Variants in CNDP1 observed in about 807,000 individuals in gnomAD.
CNDP1 encodes the protein carnosine dipeptidase 1.
A neutral mutation model predicts 58.1 loss-of-function variants in CNDP1; 44 were observed. That is an observed-to-expected ratio of 0.76 (90% CI 0.60 to 0.97). The LOEUF (loss-of-function observed/expected upper bound fraction) is 0.97. Among genes scored for constraint, CNDP1 ranks in the 50% least tolerant of loss-of-function variants. CNDP1 has a pLI of 0.00. For missense variants in CNDP1, 616 were observed against 655.1 expected (o/e 0.94, Z 0.65); for synonymous variants, 254 against 252.6 (o/e 1.01, Z -0.05).
intron 2 of CNDP1, among the ~76,000 whole-genome samples, chr18:74,557,646 G>A (rs1268510407): frequency 1.3e-5 from 2 of 151,890 alleles, no homozygotes; most frequent in East Asian, 3.9e-4. Context: ...TGTGCACACT[G>A]ATGTGTTGTT....
intron 7 of CNDP1, among the ~76,000 whole-genome samples, chr18:74,575,135 AGAAAG>A (rs1167082436): frequency 6.6e-6 from 1 of 152,062 alleles, no homozygotes; most frequent in Admixed American, 6.5e-5. Context: ...GAAAGAAAAA[AGAAAG>A]AAGAAAGAAA....
intron 7 of CNDP1, among the ~76,000 whole-genome samples, chr18:74,572,783 C>G (rs371233895): frequency 9.6e-6 from 1 of 104,094 alleles, no homozygotes; most frequent in Non-Finnish European, 1.9e-5. Context: ...AGAACAAGAC[C>G]CTGTATCAAA....
rs1230090195 is a variant in CNDP1, at chr18:74,586,465, C to T, written c.*1903C>T. 6.6e-6 allele frequency: 1 copy of T among 152,198 alleles called. No homozygotes were observed. Among genetic ancestry groups the T allele is most frequent in the African/African-American group, 2.4e-5 (1 of 41,446 alleles). 9.4% of individuals were successfully genotyped at this position (152,198 alleles called of 1,614,324 possible). ...TAGAGTCTTCATGTTAGTCCATTAA[C>T]ATAAGTTTATTATAAAATACACTGT... On this transcript the variant is annotated 3_prime_UTR_variant, in exon 12 of 12. Transcript: ENST00000358821.
At chr18:74,541,747 C>G (rs1219218795) in intron 1 of CNDP1, among the ~76,000 whole-genome samples, 1 of 152,188 alleles carries the variant, frequency 6.6e-6, no homozygotes, top group Non-Finnish European at 1.5e-5. Context: ...CAGAGCACCT[C>G]TCCTCAGGCC....
chr18:74,552,460 T>C (rs1038911040), intron 1 of CNDP1, among the ~76,000 whole-genome samples: 7 of 152,184 alleles, frequency 4.6e-5, no homozygotes, highest in Non-Finnish European at 1.5e-5. Context: ...CAATCTACTT[T>C]CTGTCTCTAT....
At position 74,571,275 on chromosome 18, in the gene CNDP1, T is replaced by C. The variant is rs1436841792; in HGVS notation, c.841+5T>C. 2 of 1,592,964 alleles carry C rather than the reference T, an allele frequency of 1.3e-6. No homozygotes were observed. The highest frequency in any genetic ancestry group is 2.7e-5 in the African/African-American group (2 of 74,380). Reference sequence around the variant, plus strand: ...CTGATCTGGTTGCTCTTCTCGGTAATGCCTTATTTTGTTTCACTTTTTAAG... The same window carrying C: ...CTGATCTGGTTGCTCTTCTCGGTAACGCCTTATTTTGTTTCACTTTTTAAG... On this transcript the variant is annotated splice_donor_5th_base_variant and intron_variant, in intron 7 of 11. Coordinates refer to ENST00000358821, the MANE Select transcript of CNDP1 (RefSeq NM_032649.6).
At position 74,586,341 on chromosome 18, in the gene CNDP1, G is replaced by A. The variant is rs4892248; in HGVS notation, c.*1779G>A. ...TTTTGTGCTATTAAGTGTAGTTTGC[G>A]CTCATCTAATTATGCAGAGTTTCGT... On this transcript the variant is annotated 3_prime_UTR_variant, in exon 12 of 12. Coordinates refer to ENST00000358821, the MANE Select transcript of CNDP1 (RefSeq NM_032649.6). 6.6e-6 allele frequency: 1 copy of A among 152,060 alleles called. No homozygotes were observed. The highest frequency in any genetic ancestry group is 2.4e-5 in the African/African-American group (1 of 41,400). The allele number at this position is 152,060 out of a possible 1,614,324, so 9.4% of individuals were successfully genotyped here.
In CNDP1 at chr18:74,567,338, G is replaced by A. The variant is rs1036811068; in HGVS notation, c.661G>A (p.Val221Met). 8 of 1,614,202 alleles carry A rather than the reference G, an allele frequency of 5.0e-6. No individual in the cohort carries two copies. Among genetic ancestry groups the A allele is most frequent in the Non-Finnish European group, 5.9e-6 (7 of 1,180,020 alleles). Reference sequence around the variant, plus strand: ...AGAAAAGGACCGATTCTTCTCTGGTGTGGACTACATTGTAATTTCAGATAA... The same window carrying A: ...AGAAAAGGACCGATTCTTCTCTGGTATGGACTACATTGTAATTTCAGATAA... The part of the protein sequence containing the change: ...EKEKDRFFSG[V>M]DYIVISDNLW... The change falls in exon 6 of 12, where the codon GTG (valine) becomes ATG (methionine). Residue 221 changes from valine (V) to methionine (M), a missense_variant. By Grantham distance (21) the Val-to-Met change is conservative (BLOSUM62 1). Coordinates refer to ENST00000358821, the MANE Select transcript of CNDP1 (RefSeq NM_032649.6).
intron 11 of CNDP1, 72 bp from the exon 12 acceptor site, chr18:74,584,424 G>T: frequency 9.8e-7 from 1 of 1,025,458 alleles, no homozygotes; most frequent in Admixed American, 1.7e-5. Context: ...CTGTCTAAAT[G>T]ACAGAATATT....
chr18:74,553,896 C>T (rs187656793), intron 1 of CNDP1, among the ~76,000 whole-genome samples: 9 of 152,316 alleles, frequency 5.9e-5, no homozygotes, highest in Middle Eastern at 6.8e-3. Flanking sequence ...ACATGGTCTG[C>T]GTTTCATGGC....
chr18:74,534,570 G>C lies in CNDP1; in HGVS notation c.-98G>C. ...GACAACGTGGGTCAGGGCACAGAGAGATATTTAATGTCACCCTCTTGGGGC... is the reference window on the plus strand; with the variant it reads ...GACAACGTGGGTCAGGGCACAGAGACATATTTAATGTCACCCTCTTGGGGC... On this transcript the variant is annotated 5_prime_UTR_variant, in exon 1 of 12. Transcript: ENST00000358821. 7.8e-7 allele frequency: 1 copy of C among 1,279,842 alleles called. No homozygotes were observed. The highest frequency in any genetic ancestry group is 1.1e-6 in the Non-Finnish European group (1 of 881,884). 79.3% of individuals were successfully genotyped at this position (1,279,842 alleles called of 1,614,324 possible).
At chr18:74,547,789 C>A (rs146984594) in intron 1 of CNDP1, among the ~76,000 whole-genome samples, 1 of 152,272 alleles carries the variant, frequency 6.6e-6, no homozygotes, top group African/African-American at 2.4e-5. Context: ...CCTCTCGCTT[C>A]GGGGGAAGGA....
chr18:74,555,081 A>G (rs1599091208), intron 1 of CNDP1, among the ~76,000 whole-genome samples: 2 of 152,176 alleles, frequency 1.3e-5, no homozygotes, highest in South Asian at 2.1e-4. Context: ...ACCCCTGCTC[A>G]CCTCCACCTA....
chr18:74,548,553 A>G (rs1980821269), intron 1 of CNDP1, among the ~76,000 whole-genome samples: 1 of 152,176 alleles, frequency 6.6e-6, no homozygotes, highest in African/African-American at 2.4e-5. Flanking sequence ...CCTTTATAGC[A>G]CTGCAAGAAC....
rs912782156 is a variant in CNDP1, at chr18:74,585,398, C to A, written c.*836C>A. On this transcript the variant is annotated 3_prime_UTR_variant, in exon 12 of 12. Transcript: ENST00000358821. ...TTGAAGTTTTACTCAATGACAACAT[C>A]TAAATTGCTCAAAGCTTTTAATAGC... is the stretch of plus-strand genomic sequence containing the variant. 4.9e-4 allele frequency: 75 copies of A among 152,314 alleles called. No homozygotes were observed. Among genetic ancestry groups the A allele is most frequent in the African/African-American group, 1.8e-3 (73 of 41,568 alleles). The allele number at this position is 152,314 out of a possible 1,614,324, so 9.4% of individuals were successfully genotyped here.
intron 5 of CNDP1, among the ~76,000 whole-genome samples, chr18:74,566,544 CA>C (rs1298851127): frequency 6.6e-6 from 1 of 152,192 alleles, no homozygotes; most frequent in East Asian, 1.9e-4. Flanking sequence ...ATCTCTGGGG[CA>C]GGGGCAAAAT....
intron 8 of CNDP1, chr18:74,577,921 T>A: frequency 2.6e-6 from 1 of 380,546 alleles, no homozygotes; most frequent in Non-Finnish European, 4.7e-6. Flanking sequence ...AAACTGCAGA[T>A]CTTGGGCAAA....
At chr18:74,546,741 C>CT (rs1568291860) in intron 1 of CNDP1, among the ~76,000 whole-genome samples, 1 of 152,232 alleles carries the variant, frequency 6.6e-6, no homozygotes, top group Non-Finnish European at 1.5e-5. Context: ...TCGGCAGTCT[C>CT]TGACTTCTTG....
At chr18:74,535,580 C>CTTTTTTTTTTTTTTTTTTT (rs10685765) in intron 1 of CNDP1, among the ~76,000 whole-genome samples, 2 of 106,384 alleles carry the variant, frequency 1.9e-5, no homozygotes, top group African/African-American at 3.4e-5. Context: ...CCATTGCTGA[C>CTTTTTTTTTTTTTTTTTTT]TTTTTTTTTT....
Sources: allele counts gnomAD v4.1 joint callset (sites outside exome capture counted in the v4.1 genomes callset), GRCh38; gene constraint gnomAD v4.1.1; transcripts MANE v1.5; gene names NCBI Gene and HGNC (gene_info 2026-07-23, HGNC 2026-07-21).